Variants in TMEM144 observed in about 807,000 individuals in gnomAD.
The protein encoded by TMEM144 is transmembrane protein 144.
TMEM144 carries 39 observed loss-of-function variants against 43.6 expected under a neutral mutation model. The observed-to-expected ratio is 0.90, with a 90% CI of 0.69 to 1.17. The LOEUF is 1.17. Ranked by LOEUF, TMEM144 falls within the 50% of genes most tolerant of loss-of-function variation. The pLI, the probability that TMEM144 is intolerant of heterozygous loss-of-function variation, is 0.00. For synonymous variants in TMEM144, 154 were observed against 133.6 expected (o/e 1.15, Z -1.06); for missense variants, 417 against 411.9 (o/e 1.01, Z -0.11).
chr4:158,212,039 G>T (rs1018761166), intron 2 of TMEM144: 3 of 152,232 alleles, frequency 2.0e-5, no homozygotes, highest in African/African-American at 7.2e-5. Flanking sequence ...GAAACCACTG[G>T]ATTATTCTGC....
At chr4:158,235,397 G>C in intron 7 of TMEM144, 41 bp from the exon 8 acceptor site, 3 of 1,599,290 alleles carry the variant, frequency 1.9e-6, no homozygotes, top group Non-Finnish European at 2.6e-6. Flanking sequence ...ATTATCAATT[G>C]AATGTTCTTT....
At position 158,253,589 on chromosome 4, in the gene TMEM144, A is replaced by ATCTC. The variant is rs1420072008; in HGVS notation, c.*62_*63insTCTC. On this transcript the variant is annotated 3_prime_UTR_variant, in exon 13 of 13. Transcript: ENST00000296529. ...AGAACGCGTCTATCGGACAGCGGAGAGATCATGCTGAGAAAAGAGTGCATT... is the reference window on the plus strand; with the variant it reads ...AGAACGCGTCTATCGGACAGCGGAGATCTCGATCATGCTGAGAAAAGAGTGCATT... 7.3e-7 allele frequency: 1 copy of ATCTC among 1,369,302 alleles called. No homozygotes were observed. The allele number at this position is 1,369,302 out of a possible 1,614,324, so 84.8% of individuals were successfully genotyped here.
intron 6 of TMEM144, among the ~76,000 whole-genome samples, chr4:158,225,870 G>C (rs1340629797): frequency 6.6e-6 from 1 of 152,036 alleles, no homozygotes; most frequent in Non-Finnish European, 1.5e-5. Flanking sequence ...GATGGCCCTC[G>C]GGGGCTGACC....
At position 158,253,447 on chromosome 4, in the gene TMEM144, C is replaced by A; in HGVS notation, c.958C>A (p.Leu320Ile). 1 of 1,611,758 alleles carries A rather than the reference C, an allele frequency of 6.2e-7. No homozygotes were observed. Among genetic ancestry groups the A allele is most frequent in the South Asian group, 1.1e-5 (1 of 90,934 alleles). Reference protein sequence around the residue: ...GIFMFKEIKGLQNYLLMILAF... With the variant: ...GIFMFKEIKGIQNYLLMILAF... ...GTTATTCTTTTTTCTTATTCAGGGTCTACAAAACTACCTATTAATGATACT... is the reference window on the plus strand; with the variant it reads ...GTTATTCTTTTTTCTTATTCAGGGTATACAAAACTACCTATTAATGATACT... The change falls in exon 13 of 13, where the codon CTA becomes ATA. Residue 320 changes from leucine to isoleucine, a missense_variant. By Grantham distance (5) the Leu-to-Ile change is conservative (BLOSUM62 2). Transcript: ENST00000296529.
At chr4:158,246,046 A>C (rs1735879126) in intron 12 of TMEM144, among the ~76,000 whole-genome samples, 1 of 152,188 alleles carries the variant, frequency 6.6e-6, no homozygotes, top group African/African-American at 2.4e-5. Context: ...CAGGAGGATC[A>C]CTTGAGCCTA....
chr4:158,216,982 C>G (rs1734254051), intron 4 of TMEM144, among the ~76,000 whole-genome samples: 1 of 152,102 alleles, frequency 6.6e-6, no homozygotes, highest in Non-Finnish European at 1.5e-5. Context: ...GGCCCTAATT[C>G]AAGTCTAAGA....
rs764358976 is a variant in TMEM144, at chr4:158,212,723, T to A, written c.56T>A (p.Ile19Asn). Residue 19 changes from isoleucine to asparagine, a missense_variant, in exon 3 of 13, where the codon ATC (isoleucine) becomes AAC (asparagine). Physicochemically the swap from Ile to Asn is moderately radical, Grantham distance 149. Coordinates refer to ENST00000296529, the MANE Select transcript of TMEM144 (RefSeq NM_018342.5). The part of the protein sequence containing the change: ...TFGYISCFVA[I>N]LLFGSNFVPL... ...GGTTACATCTCCTGTTTTGTAGCTA[T>A]CCTTTTGTTTGGCTCAAATTTTGTG... is the stretch of plus-strand genomic sequence containing the variant. 3.1e-6 allele frequency: 5 copies of A among 1,613,770 alleles called. No homozygotes were observed. The highest frequency in any genetic ancestry group is 4.2e-6 in the Non-Finnish European group (5 of 1,179,890).
In TMEM144 at chr4:158,241,598, A is replaced by G; in HGVS notation, c.892A>G (p.Ile298Val). The change falls in exon 11 of 13, where the codon ATC (isoleucine) becomes GTC (valine). Residue 298 changes from isoleucine (I) to valine (V), a missense_variant. By Grantham distance (29) the Ile-to-Val change is conservative. Transcript: ENST00000296529. ...SLSAVVSFPI[I>V]TAGPGFIAAM... Reference sequence around the variant, plus strand: ...GAGTGCTGTGGTCAGTTTTCCAATAATCACTGCTGTAAGTAGCTGAACTGG... The same window carrying G: ...GAGTGCTGTGGTCAGTTTTCCAATAGTCACTGCTGTAAGTAGCTGAACTGG... The G allele has an allele frequency of 1.2e-6, 2 of 1,613,694 alleles. No homozygotes were observed. Among genetic ancestry groups the G allele is most frequent in the Non-Finnish European group, 8.5e-7 (1 of 1,179,676 alleles).
chr4:158,251,257 A>AT (rs1200686358), intron 12 of TMEM144, among the ~76,000 whole-genome samples: 2 of 152,186 alleles, frequency 1.3e-5, no homozygotes, highest in Non-Finnish European at 2.9e-5. Context: ...TCCGCCTTGG[A>AT]TTCAGACTCT....
At position 158,240,351 on chromosome 4, in the gene TMEM144, C is replaced by G. The variant is rs777789471; in HGVS notation, c.735C>G (p.Val245=). ...HFSGIFLTST[V]YFLAYCIAMK... ...GTGGCATCTTTCTTACAAGTACTGT[C>G]TACTTTCTGGCCTACTGCATAGCCA... The change falls in exon 10 of 13, where the codon GTC becomes GTG. Residue 245 remains valine, a synonymous_variant. Transcript: ENST00000296529. The G allele has an allele frequency of 6.2e-7, 1 of 1,613,942 alleles. No individual in the cohort carries two copies. The highest frequency in any genetic ancestry group is 2.2e-5 in the East Asian group (1 of 44,850).
At chr4:158,249,264 A>T (rs1736057635) in intron 12 of TMEM144, among the ~76,000 whole-genome samples, 2 of 152,136 alleles carry the variant, frequency 1.3e-5, no homozygotes, top group Admixed American at 1.3e-4. Context: ...TAGATTATTA[A>T]ATCTTTAAGC....
chr4:158,212,078 G>T (rs1193215991), intron 2 of TMEM144: 1 of 152,204 alleles, frequency 6.6e-6, no homozygotes, highest in African/African-American at 2.4e-5. Context: ...ATTCCAAAGG[G>T]CCAGTGTGCA....
rs558900873 is a variant in TMEM144, at chr4:158,221,861, G to A, written c.413+2471G>A. Among the ~76,000 whole-genome samples, 127 of 152,262 alleles carry A rather than the reference G, an allele frequency of 8.3e-4. No homozygotes were observed. The Middle Eastern group carries it at 0.014, about 16-fold the overall frequency. ...TCTTATCTGAGATAACACACAGAAG[G>A]GAATGATGCTGATCAGCACTTTGCC... On this transcript the variant is annotated intron_variant, in intron 6 of 12. Coordinates refer to ENST00000296529, the MANE Select transcript of TMEM144 (RefSeq NM_018342.5).
intron 12 of TMEM144, among the ~76,000 whole-genome samples, chr4:158,247,635 A>T (rs1364772056): frequency 6.6e-6 from 1 of 152,072 alleles, no homozygotes. Flanking sequence ...AATGCTATTA[A>T]TAATAACCAC....
In TMEM144 at chr4:158,211,464, C is replaced by G. The variant is rs973124518; in HGVS notation, c.-171C>G. 2 of 152,154 alleles carry G rather than the reference C, an allele frequency of 1.3e-5. No homozygotes were observed. Among genetic ancestry groups the G allele is most frequent in the Non-Finnish European group, 2.9e-5 (2 of 68,032 alleles). The allele number at this position is 152,154 out of a possible 1,614,324, so 9.4% of individuals were successfully genotyped here. A position where few individuals can be genotyped will look rare whatever the true frequency, so the allele number is the denominator to read the frequency against. On this transcript the variant is annotated 5_prime_UTR_variant, in exon 2 of 13. Transcript: ENST00000296529. Reference sequence around the variant, plus strand: ...ATGTGTCTTTTTAGTCATAGGTTAGCTTTTCAAGACACTTCCTGCATCTCT... The same window carrying G: ...ATGTGTCTTTTTAGTCATAGGTTAGGTTTTCAAGACACTTCCTGCATCTCT...
intron 7 of TMEM144, chr4:158,234,415 C>A (rs763968390): frequency 1.3e-5 from 2 of 151,960 alleles, no homozygotes; most frequent in Admixed American, 6.6e-5. Context: ...TGGCACACAC[C>A]TGTAATCCCA....
intron 12 of TMEM144, among the ~76,000 whole-genome samples, chr4:158,251,334 GC>G (rs1258327416): frequency 6.6e-6 from 1 of 152,154 alleles, no homozygotes; most frequent in Non-Finnish European, 1.5e-5. Context: ...CATTGGCAGA[GC>G]CAATGCCCTT....
At chr4:158,227,362 A>C (rs1214635950) in intron 6 of TMEM144, among the ~76,000 whole-genome samples, 1 of 152,124 alleles carries the variant, frequency 6.6e-6, no homozygotes, top group Non-Finnish European at 1.5e-5. Context: ...AGGATTTTTG[A>C]TAGGAAGGCC....
intron 6 of TMEM144, among the ~76,000 whole-genome samples, chr4:158,230,519 T>G (rs777669500): frequency 1.2e-4 from 18 of 152,046 alleles, no homozygotes; most frequent in Non-Finnish European, 1.8e-4. Flanking sequence ...CTATACAGAG[T>G]AGAGGATTTT....
Sources: gnomAD v4.1 joint callset for allele counts (sites outside exome capture counted in the v4.1 genomes callset) on GRCh38, gnomAD v4.1.1 for gene constraint, MANE v1.5 for transcripts, NCBI Gene and HGNC (gene_info 2026-07-23, HGNC 2026-07-21) for gene names.